SSC5D: variants seen among roughly 807,000 people sequenced by gnomAD.
The protein encoded by SSC5D is scavenger receptor cysteine rich family member with 5 domains.
In SSC5D, 106 loss-of-function variants were observed where a neutral mutation model predicts 104.6. The ratio of observed to expected loss-of-function variants is 1.01; its 90% CI spans 0.87 to 1.19. The LOEUF is 1.19. Among genes scored for constraint, SSC5D ranks in the 50% most tolerant of loss-of-function variants. The pLI is 0.00. For missense variants in SSC5D, 1,993 were observed against 2,153.8 expected, an observed-to-expected ratio of 0.93 and a Z score of 1.48; for synonymous variants, 860 against 883.5, an observed-to-expected ratio of 0.97 and a Z score of 0.47.
rs1290589143 is a variant in SSC5D at position 55,503,805 on chromosome 19, C to G, written c.2785+2604C>G. 3.6e-5 allele frequency among the ~76,000 whole-genome samples: 5 copies of G among 138,978 alleles called. No individual in the cohort carries two copies. The highest frequency in any genetic ancestry group is 1.4e-4 in the African/African-American group (5 of 36,724). 91.2% of individuals were successfully genotyped at this position (138,978 alleles called of 152,430 possible). ...TCCCGCAGGAGAGTCTCGCCGCAAG[C>G]GTCCTTTCCCGCCTTTTTTTTTTCT... On this transcript the variant is annotated intron_variant, in intron 12 of 13. Coordinates refer to ENST00000389623, the MANE Select transcript of SSC5D (RefSeq NM_001144950.2). This position sits in a 1 kb window ranked among gnomAD's most constrained non-coding sequence, Gnocchi z 4.0.
Position 55,494,544 on chromosome 19 carries a change from G to T in SSC5D, c.1214-66G>T, listed in dbSNP as rs932470084. 6 of 1,436,650 alleles carry T rather than the reference G, an allele frequency of 4.2e-6. No individual in the cohort carries two copies. The African/African-American group carries it at 7.2e-5, about 17-fold the overall frequency. The allele number at this position is 1,436,650 out of a possible 1,614,324, so 89.0% of individuals were successfully genotyped here. A position where few individuals can be genotyped will look rare whatever the true frequency, so the allele number is the denominator to read the frequency against. On this transcript the variant is annotated intron_variant, in intron 7 of 13. Transcript: ENST00000389623. ...GGACTGAGGAAGGATGACGCAGGAGGTGGGGGTGCCGGCTCCGGGATGGAG... is the reference window on the plus strand; with the variant it reads ...GGACTGAGGAAGGATGACGCAGGAGTTGGGGGTGCCGGCTCCGGGATGGAG...
chr19:55,493,946 G>GC, intron 7 of SSC5D, 34 bp downstream of exon 7: 1 of 1,478,096 alleles, frequency 6.8e-7, no homozygotes, highest in Non-Finnish European at 9.0e-7. Flanking sequence ...CGGGAGGTGG[G>GC]CGTGGTGGTG....
chr19:55,510,320 T>C (rs1987728151), intron 12 of SSC5D, among the ~76,000 whole-genome samples: 1 of 149,298 alleles, frequency 6.7e-6, no homozygotes, highest in African/African-American at 2.5e-5. Flanking sequence ...CTTCATGGAG[T>C]CTTCCTAAAA....
In SSC5D at chr19:55,488,957, AC is replaced by A. The variant is rs1297275170; in HGVS notation, c.26-44del. 8 of 898,528 alleles carry A rather than the reference AC, an allele frequency of 8.9e-6. 1 individual carries two copies. Among genetic ancestry groups the A allele is most frequent in the Admixed American group, 5.8e-5 (1 of 17,194 alleles). The allele number at this position is 898,528 out of a possible 1,614,324, so 55.7% of individuals were successfully genotyped here. A position where few individuals can be genotyped will look rare whatever the true frequency, so the allele number is the denominator to read the frequency against. On this transcript the variant is annotated intron_variant, in intron 1 of 13. Coordinates refer to ENST00000389623, the MANE Select transcript of SSC5D (RefSeq NM_001144950.2). ...AGGGGCCTGCGCTGGAGAAAGGGCC[AC>A]CCCCGGCCTGCCCCTCACACTGCCC... is the stretch of plus-strand genomic sequence containing the variant.
intron 12 of SSC5D, among the ~76,000 whole-genome samples, chr19:55,509,594 C>T (rs56234313): frequency 0.022 from 3,240 of 149,586 alleles, 134 homozygotes; most frequent in African/African-American, 0.076. Context: ...CGGAGTCTCA[C>T]GCCTGTAATC....
At chr19:55,495,901 ATTT>A (rs36109915) in intron 8 of SSC5D, among the ~76,000 whole-genome samples, 12 of 98,714 alleles carry the variant, frequency 1.2e-4, no homozygotes, top group Non-Finnish European at 9.9e-5. Flanking sequence ...GAGCCTGGCT[ATTT>A]TTTTTTTTTT....
Position 55,489,678 on chromosome 19 carries a change from C to A in SSC5D, c.361+16C>A. The stretch of plus-strand genomic sequence containing the variant: ...GTCTGCGCAGGTGAGGACACCCTGG[C>A]TGCTCCTTCAGGGGGAGCTCCTTTG... On this transcript the variant is annotated intron_variant, in intron 3 of 13. Coordinates refer to ENST00000389623, the MANE Select transcript of SSC5D (RefSeq NM_001144950.2). 6.5e-7 allele frequency: 1 copy of A among 1,527,998 alleles called. No homozygotes were observed. Among genetic ancestry groups the A allele is most frequent in the Non-Finnish European group, 8.8e-7 (1 of 1,141,424 alleles). The allele number at this position is 1,527,998 out of a possible 1,614,324, so 94.7% of individuals were successfully genotyped here.
chr19:55,499,833 T>G lies in SSC5D; in HGVS notation c.1723T>G (p.Ser575Ala). The G allele has an allele frequency of 6.4e-7, 1 of 1,551,310 alleles. No homozygotes were observed. The highest frequency in any genetic ancestry group is 8.7e-7 in the Non-Finnish European group (1 of 1,146,826). Residue 575 changes from serine (S) to alanine (A), a missense_variant, in exon 10 of 14, where the codon TCC becomes GCC. By Grantham distance (99) the Ser-to-Ala change is moderately conservative (BLOSUM62 1). Transcript: ENST00000389623. ...VTCTGPPGLD[S>A]ISDPFSWSWI... ...CCTTCCAGGGCCCCCAGGCCTGGAC[T>G]CCATCTCAGACCCCTTCAGCTGGAG...
chr19:55,498,235 C>A, intron 9 of SSC5D, 38 bp downstream of exon 9: 2 of 1,546,010 alleles, frequency 1.3e-6, no homozygotes, highest in Non-Finnish European at 1.8e-6. Context: ...TCCAGGAGGG[C>A]TTCCTGGAGG....
At chr19:55,514,957 G>A (rs1051820845) in intron 13 of SSC5D, among the ~76,000 whole-genome samples, 3 of 152,096 alleles carry the variant, frequency 2.0e-5, no homozygotes, top group Admixed American at 6.6e-5. Context: ...GTTTAAACTC[G>A]GACAGCCTGC....
At chr19:55,511,344 C>T (rs1568483769) in intron 12 of SSC5D, among the ~76,000 whole-genome samples, 1 of 152,136 alleles carries the variant, frequency 6.6e-6, no homozygotes, top group Non-Finnish European at 1.5e-5. Flanking sequence ...AAGGCGACAT[C>T]GGTCAACTTG....
chr19:55,501,800 C>T (rs545935892), intron 12 of SSC5D, among the ~76,000 whole-genome samples: 73 of 152,342 alleles, frequency 4.8e-4, no homozygotes, highest in Non-Finnish European at 4.4e-5. Flanking sequence ...CCACATTCTT[C>T]TGCCTTTTTC....
At position 55,490,914 on chromosome 19, in the gene SSC5D, G is replaced by T. The variant is rs1012376501; in HGVS notation, c.729G>T (p.Gly243=). The T allele has an allele frequency of 6.5e-7, 1 of 1,544,762 alleles. No homozygotes were observed. Among genetic ancestry groups the T allele is most frequent in the Non-Finnish European group, 8.7e-7 (1 of 1,143,810 alleles). The change falls in exon 6 of 14, where the codon GGG becomes GGT. Residue 243 remains glycine (G), a synonymous_variant. Coordinates refer to ENST00000389623, the MANE Select transcript of SSC5D (RefSeq NM_001144950.2). ...CCTGCCGGGAACTGGGCTGTGGGGG[G>T]GCGCTGGCTGCCCCCGGCGGTGCCA... The part of the protein sequence containing the change: ...AVACRELGCG[G]ALAAPGGARF...
At chr19:55,490,556 G>A (rs1413262512) in intron 5 of SSC5D, 148 bp downstream of exon 5, 1 of 632,324 alleles carries the variant, frequency 1.6e-6, no homozygotes, top group African/African-American at 1.9e-5. Context: ...CGGGGATTTA[G>A]ACGGCCAGGC....
chr19:55,504,186 G>C, intron 12 of SSC5D: 1 of 1,534,442 alleles, frequency 6.5e-7, no homozygotes, highest in Non-Finnish European at 8.7e-7. Flanking sequence ...CGCCTCCCTA[G>C]CCCATAGCGC....
chr19:55,504,982 A>G (rs1987606404), intron 12 of SSC5D, among the ~76,000 whole-genome samples: 1 of 152,120 alleles, frequency 6.6e-6, no homozygotes, highest in Non-Finnish European at 1.5e-5. Context: ...AGCCACGATT[A>G]TAACCTGTTT....
chr19:55,501,010 A>G, intron 11 of SSC5D, 24 bp from the exon 12 acceptor site: 2 of 1,551,024 alleles, frequency 1.3e-6, no homozygotes, highest in Non-Finnish European at 8.7e-7. Context: ...GATGGGGTCA[A>G]CCATTACCCC....
chr19:55,495,784 C>T (rs1987311089), intron 8 of SSC5D, among the ~76,000 whole-genome samples: 1 of 151,664 alleles, frequency 6.6e-6, no homozygotes, highest in African/African-American at 2.4e-5. Flanking sequence ...ACTTGGTTGC[C>T]CAGGCTGGAG....
intron 12 of SSC5D, among the ~76,000 whole-genome samples, chr19:55,502,940 T>C (rs561253365): frequency 1.4e-4 from 22 of 152,154 alleles, no homozygotes; most frequent in Non-Finnish European, 2.9e-4. Flanking sequence ...CTCAGCCTCC[T>C]GAATAGCTGG....
Sources: allele counts gnomAD v4.1 joint callset (sites outside exome capture counted in the v4.1 genomes callset), GRCh38; gene constraint gnomAD v4.1.1; non-coding constraint Gnocchi (gnomAD v3.1); transcripts MANE v1.5; gene names NCBI Gene and HGNC (gene_info 2026-07-23, HGNC 2026-07-21).